The following SORCS1 variants were observed in gnomAD, a reference collection of about 807,000 sequenced individuals.
SORCS1 encodes the protein VPS10 domain-containing receptor SorCS1.
A neutral mutation model predicts 146.1 loss-of-function variants in SORCS1; 60 were observed. The observed-to-expected ratio is 0.41, with a 90% CI of 0.33 to 0.51. The LOEUF is 0.51. SORCS1 is among the 20% of genes least tolerant of loss of function. The pLI is 0.21. For synonymous variants in SORCS1, 637 were observed against 584.0 expected (o/e 1.09, Z -1.31); for missense variants, 1,352 against 1,487.6 (o/e 0.91, Z 1.50).
intron 1 of SORCS1, among the ~76,000 whole-genome samples, chr10:107,158,590 AC>A (rs1454596474): frequency 6.6e-6 from 1 of 152,244 alleles, no homozygotes; most frequent in Non-Finnish European, 1.5e-5. Context: ...CAGAGAACGT[AC>A]ATCTCCTGCT....
rs146388887 is a variant in SORCS1, at chr10:106,894,397, A to G, written c.626+62116T>C. ...GTAGAAAACTTTTTTTTCTTTTTTT[A>G]AAGACATTAGTTCCAATCCATGTTG... On this transcript the variant is annotated intron_variant, in intron 2 of 25. Transcript: ENST00000263054. Among the ~76,000 whole-genome samples the G allele has an allele frequency of 5.2e-3, 791 of 152,066 alleles. 5 individuals carry two copies. Among genetic ancestry groups the G allele is most frequent in the Non-Finnish European group, 8.6e-3 (583 of 67,946 alleles).
At chr10:106,856,936 A>T (rs145134536) in intron 2 of SORCS1, among the ~76,000 whole-genome samples, 1 of 152,248 alleles carries the variant, frequency 6.6e-6, no homozygotes, top group South Asian at 2.1e-4. Context: ...TGATCTGAAC[A>T]GAGTTGTTAA....
At chr10:106,614,718 C>T (rs1847239579) in intron 21 of SORCS1, among the ~76,000 whole-genome samples, 1 of 152,140 alleles carries the variant, frequency 6.6e-6, no homozygotes, top group Non-Finnish European at 1.5e-5. Context: ...GATGCAGCTC[C>T]CTCCGTAATT....
chr10:107,156,194 C>T (rs1969269602), intron 1 of SORCS1, among the ~76,000 whole-genome samples: 1 of 152,120 alleles, frequency 6.6e-6, no homozygotes. Flanking sequence ...CAAAGAAACT[C>T]AGAAATAAAC....
At chr10:106,590,887 T>C (rs182691711) in intron 24 of SORCS1, among the ~76,000 whole-genome samples, 1 of 152,274 alleles carries the variant, frequency 6.6e-6, no homozygotes, top group Admixed American at 6.5e-5. Flanking sequence ...ACTCCTGACC[T>C]CAGGTGATCC....
chr10:106,849,914 G>T (rs1364276341), intron 2 of SORCS1, among the ~76,000 whole-genome samples: 1 of 152,126 alleles, frequency 6.6e-6, no homozygotes, highest in East Asian at 1.9e-4. Flanking sequence ...CAGGGGTCAG[G>T]GACCCACTTG....
intron 3 of SORCS1, among the ~76,000 whole-genome samples, chr10:106,806,506 T>TTTA (rs1196721206): frequency 1.9e-5 from 1 of 53,432 alleles, no homozygotes; most frequent in Non-Finnish European, 4.2e-5. Flanking sequence ...AGAGGAAGCC[T>TTTA]TTTTTTTTTT....
intron 2 of SORCS1, among the ~76,000 whole-genome samples, chr10:106,923,198 C>T (rs908370618): frequency 5.9e-5 from 9 of 152,132 alleles, no homozygotes; most frequent in Admixed American, 1.3e-4. Flanking sequence ...CAACCATGGA[C>T]TTTCTTACCG....
At chr10:107,120,352 A>G (rs144241286) in intron 1 of SORCS1, among the ~76,000 whole-genome samples, 1,869 of 152,356 alleles carry the variant, frequency 0.012, 36 homozygotes, top group African/African-American at 0.042. Flanking sequence ...AAATAAATAC[A>G]TGAATAAAGA....
intron 2 of SORCS1, among the ~76,000 whole-genome samples, chr10:106,856,145 G>C (rs1235132752): frequency 2.0e-5 from 3 of 151,678 alleles, no homozygotes; most frequent in Admixed American, 1.3e-4. Context: ...TCCAGCCTCA[G>C]CCTCCTGAGT....
chr10:106,588,594 G>A (rs1309582008), intron 24 of SORCS1, among the ~76,000 whole-genome samples: 4 of 152,026 alleles, frequency 2.6e-5, no homozygotes, highest in Non-Finnish European at 4.4e-5. Context: ...GGGCGCGGTG[G>A]CTCATGGCTG....
intron 2 of SORCS1, among the ~76,000 whole-genome samples, chr10:106,851,349 C>T (rs928705999): frequency 2.0e-5 from 3 of 152,156 alleles, no homozygotes. Context: ...GTCTATGATA[C>T]ATTTTGAGTT....
At chr10:106,923,168 C>T (rs971729484) in intron 2 of SORCS1, among the ~76,000 whole-genome samples, 2 of 152,328 alleles carry the variant, frequency 1.3e-5, no homozygotes, top group South Asian at 4.1e-4. Flanking sequence ...GGATTACAGG[C>T]GTGAGCCACC....
intron 3 of SORCS1, among the ~76,000 whole-genome samples, chr10:106,817,472 C>G (rs998921881): frequency 2.6e-5 from 4 of 152,158 alleles, no homozygotes; most frequent in African/African-American, 4.8e-5. Flanking sequence ...ATGTTTTACT[C>G]CATTTTTCTC....
intron 2 of SORCS1, among the ~76,000 whole-genome samples, chr10:106,867,564 T>C (rs1321170740): frequency 6.6e-6 from 1 of 152,124 alleles, no homozygotes; most frequent in East Asian, 1.9e-4. Context: ...ATTACAGGCG[T>C]GAGCCACCGC....
chr10:107,120,299 C>T (rs1966316477), intron 1 of SORCS1, among the ~76,000 whole-genome samples: 1 of 152,146 alleles, frequency 6.6e-6, no homozygotes, highest in Admixed American at 6.5e-5. Flanking sequence ...TCTTACAGTG[C>T]TATGCACATA....
intron 1 of SORCS1, among the ~76,000 whole-genome samples, chr10:107,035,845 T>C (rs1028498939): frequency 4.6e-5 from 7 of 151,686 alleles, no homozygotes; most frequent in Admixed American, 3.9e-4. Context: ...AAATATCCTA[T>C]GAAATCAACC....
chr10:107,017,268 C>A (rs1312888123), intron 1 of SORCS1, among the ~76,000 whole-genome samples: 1 of 152,140 alleles, frequency 6.6e-6, no homozygotes, highest in Non-Finnish European at 1.5e-5. Flanking sequence ...AACCATGAAA[C>A]TGATAAATTA....
At chr10:106,792,518 T>C (rs941161351) in intron 3 of SORCS1, among the ~76,000 whole-genome samples, 4 of 152,166 alleles carry the variant, frequency 2.6e-5, no homozygotes, top group Admixed American at 2.0e-4. Flanking sequence ...GAGAGTGAAA[T>C]TAGGCATGGA....
Sources: allele counts gnomAD v4.1 joint callset (sites outside exome capture counted in the v4.1 genomes callset), GRCh38; gene constraint gnomAD v4.1.1; transcripts MANE v1.5; gene names NCBI Gene and HGNC (gene_info 2026-07-23, HGNC 2026-07-21).